TNFRSF10B: variants seen among roughly 807,000 people sequenced by gnomAD.
TNFRSF10B encodes the protein tumor necrosis factor receptor superfamily member 10B.
Under a neutral mutation model 41.4 loss-of-function variants are expected in TNFRSF10B, and 35 were observed. The observed-to-expected ratio is 0.85, with a 90% CI of 0.65 to 1.12. The LOEUF is 1.12. Among genes scored for constraint, TNFRSF10B ranks in the 50% most tolerant of loss-of-function variants. The pLI is 0.00. For missense variants in TNFRSF10B, 584 were observed against 552.7 expected, an observed-to-expected ratio of 1.06 and a Z score of -0.57; for synonymous variants, 230 against 215.5, an observed-to-expected ratio of 1.07 and a Z score of -0.59.
At chr8:23,025,283 G>A (rs1387510987) in intron 7 of TNFRSF10B, among the ~76,000 whole-genome samples, 2 of 152,130 alleles carry the variant, frequency 1.3e-5, no homozygotes, top group African/African-American at 4.8e-5. Context: ...CCCAAATCTC[G>A]ATTGAGTCAT....
rs962154716 is a variant in TNFRSF10B at position 23,028,278 on chromosome 8, G to A, written c.748+53C>T. ...CGTTTCTGTCTGTGGGAATAGGGTGGGAGGGGGCAGGGCAGAGAGTGCCCT... is the reference window on the plus strand; with the variant it reads ...CGTTTCTGTCTGTGGGAATAGGGTGAGAGGGGGCAGGGCAGAGAGTGCCCT... On this transcript the variant is annotated intron_variant, in intron 5 of 8. Coordinates refer to ENST00000276431, the MANE Select transcript of TNFRSF10B (RefSeq NM_003842.5). The A allele has an allele frequency of 1.6e-5, 25 of 1,611,438 alleles. 1 individual carries two copies. Among genetic ancestry groups the A allele is most frequent in the South Asian group, 1.4e-4 (13 of 90,362 alleles).
In TNFRSF10B at chr8:23,020,853, G is replaced by A. The variant is rs918811032; in HGVS notation, c.*1818C>T. ...GTCCTGCACAGAAGGCCCAGCAAAG[G>A]CAAAGACCAGGAGGCAGCAGCACCC... On this transcript the variant is annotated 3_prime_UTR_variant, in exon 9 of 9. Coordinates refer to ENST00000276431, the MANE Select transcript of TNFRSF10B (RefSeq NM_003842.5). The A allele has an allele frequency of 4.4e-6, 2 of 454,124 alleles. No homozygotes were observed. Among genetic ancestry groups the A allele is most frequent in the Admixed American group, 4.7e-5 (2 of 42,572 alleles). 28.1% of individuals were successfully genotyped at this position (454,124 alleles called of 1,614,324 possible).
At chr8:23,046,854 A>G (rs191429730) in intron 1 of TNFRSF10B, among the ~76,000 whole-genome samples, 17 of 152,126 alleles carry the variant, frequency 1.1e-4, no homozygotes, top group Admixed American at 7.2e-4. Context: ...ACACAGTGGG[A>G]AAAAAAAGTC....
intron 2 of TNFRSF10B, among the ~76,000 whole-genome samples, chr8:23,042,276 C>T (rs1812224026): frequency 6.6e-6 from 1 of 152,252 alleles, no homozygotes; most frequent in Non-Finnish European, 1.5e-5. Flanking sequence ...TGCCCTCAGG[C>T]AAGCCTTTCC....
In TNFRSF10B at chr8:23,021,631, G is replaced by A. The variant is rs1401747005; in HGVS notation, c.*1040C>T. 1 of 454,130 alleles carries A rather than the reference G, an allele frequency of 2.2e-6. No individual in the cohort carries two copies. The allele number at this position is 454,130 out of a possible 1,614,324, so 28.1% of individuals were successfully genotyped here. A position where few individuals can be genotyped will look rare whatever the true frequency, so the allele number is the denominator to read the frequency against. On this transcript the variant is annotated 3_prime_UTR_variant, in exon 9 of 9. Transcript: ENST00000276431. ...GGGTGCAAATGAGACTGCCCAGGTA[G>A]GGACCAGCCACACACAGGACTTCAC...
chr8:23,059,820 T>TG (rs1311294080), intron 1 of TNFRSF10B, among the ~76,000 whole-genome samples: 1 of 152,210 alleles, frequency 6.6e-6, no homozygotes, highest in Non-Finnish European at 1.5e-5. Flanking sequence ...CCTGTGTGTG[T>TG]TTTTTATAAT....
At chr8:23,028,979 G>A (rs1445332937) in intron 4 of TNFRSF10B, among the ~76,000 whole-genome samples, 1 of 152,218 alleles carries the variant, frequency 6.6e-6, no homozygotes, top group Non-Finnish European at 1.5e-5. Flanking sequence ...ACAAAAGTGA[G>A]CTCTTGTCCC....
chr8:23,026,266 GTTT>G (rs3837204), intron 7 of TNFRSF10B, among the ~76,000 whole-genome samples: 8 of 151,362 alleles, frequency 5.3e-5, no homozygotes, highest in Admixed American at 3.9e-4. Flanking sequence ...ATAAGATCTA[GTTT>G]TTTTTTGTTT....
At chr8:23,067,783 C>T (rs1037031677) in intron 1 of TNFRSF10B, among the ~76,000 whole-genome samples, 1 of 152,226 alleles carries the variant, frequency 6.6e-6, no homozygotes, top group African/African-American at 2.4e-5. Flanking sequence ...CCAGCATTCT[C>T]TTGACCTTCC....
At chr8:23,032,584 G>A (rs189775221) in intron 2 of TNFRSF10B, among the ~76,000 whole-genome samples, 254 of 152,190 alleles carry the variant, frequency 1.7e-3, no homozygotes, top group African/African-American at 5.4e-3. Context: ...TTTTGGTAGG[G>A]ATTTCATTGA....
intron 2 of TNFRSF10B, 22 bp downstream of exon 2, chr8:23,043,116 T>C: frequency 6.2e-7 from 1 of 1,607,124 alleles, no homozygotes; most frequent in African/African-American, 1.3e-5. Flanking sequence ...GGGCAAGGAT[T>C]AGAGACCCAT....
At position 23,024,263 on chromosome 8, in the gene TNFRSF10B, G is replaced by A. The variant is rs367728444; in HGVS notation, c.937-3C>T. ...GACCTTTCAGCTTCTGCCGGTTCCT[G>A]TAACACATAGTGGGGAATGTCCTGG... On this transcript the variant is annotated splice_region_variant and splice_polypyrimidine_tract_variant and intron_variant, in intron 7 of 8. Transcript: ENST00000276431. The A allele has an allele frequency of 1.4e-5, 22 of 1,614,004 alleles. No homozygotes were observed. In the Admixed American group the frequency reaches 1.8e-4, roughly 13 times the overall value.
At chr8:23,056,704 T>G (rs1812676755) in intron 1 of TNFRSF10B, among the ~76,000 whole-genome samples, 1 of 152,152 alleles carries the variant, frequency 6.6e-6, no homozygotes, top group Non-Finnish European at 1.5e-5. Flanking sequence ...TTTGATGCAT[T>G]AAACCTTCAT....
chr8:23,037,707 T>C (rs1812064119), intron 2 of TNFRSF10B, among the ~76,000 whole-genome samples: 1 of 152,206 alleles, frequency 6.6e-6, no homozygotes, highest in African/African-American at 2.4e-5. Context: ...GGGATATGGC[T>C]TTTTGAAAAC....
Position 23,027,279 on chromosome 8 carries a change from G to T in TNFRSF10B, c.790C>A (p.Arg264=), listed in dbSNP as rs138183043. Residue 264 remains arginine (R), a synonymous_variant, in exon 7 of 9, where the codon CGA becomes AGA. Coordinates refer to ENST00000276431, the MANE Select transcript of TNFRSF10B (RefSeq NM_003842.5). Reference sequence around the variant, plus strand: ...AGGACATTGTCCTCAGCCCCAGGTCGTTGTGAGCTCTGGAAAAAGACATTG... The same window carrying T: ...AGGACATTGTCCTCAGCCCCAGGTCTTTGTGAGCTCTGGAAAAAGACATTG... ...DPERVDRSSQ[R]PGAEDNVLNE... 3.7e-6 allele frequency: 6 copies of T among 1,614,074 alleles called. No homozygotes were observed. In the Admixed American group the frequency reaches 1.0e-4, roughly 27 times the overall value.
chr8:23,027,850 G>C (rs1200654514), intron 5 of TNFRSF10B, 97 bp from the exon 6 acceptor site: 2 of 1,476,886 alleles, frequency 1.4e-6, no homozygotes, highest in Non-Finnish European at 1.9e-6. Flanking sequence ...TGGGGGCTGG[G>C]ACACTGGACA....
Position 23,027,704 on chromosome 8 carries a change from C to T in TNFRSF10B, c.780+18G>A, listed in dbSNP as rs563943488. On this transcript the variant is annotated intron_variant, in intron 6 of 8. Coordinates refer to ENST00000276431, the MANE Select transcript of TNFRSF10B (RefSeq NM_003842.5). ...TCCTGAACCCCTGAGCCCCCAGCTC[C>T]TGGAGAAATCAACTCACTCTGTCCA... 2 of 1,614,116 alleles carry T rather than the reference C, an allele frequency of 1.2e-6. No homozygotes were observed. The highest frequency in any genetic ancestry group is 1.3e-5 in the African/African-American group (1 of 75,040).
chr8:23,035,362 G>C (rs1812001041), intron 2 of TNFRSF10B, among the ~76,000 whole-genome samples: 1 of 152,076 alleles, frequency 6.6e-6, no homozygotes, highest in African/African-American at 2.4e-5. Flanking sequence ...GGCTGGTCTA[G>C]AACTCCTGGT....
intron 2 of TNFRSF10B, among the ~76,000 whole-genome samples, chr8:23,042,717 C>G (rs1563315483): frequency 6.6e-6 from 1 of 152,196 alleles, no homozygotes; most frequent in Non-Finnish European, 1.5e-5. Context: ...TCTCTAACTT[C>G]CTAACCCTCC....
Sources: allele counts gnomAD v4.1 joint callset (sites outside exome capture counted in the v4.1 genomes callset), GRCh38; gene constraint gnomAD v4.1.1; transcripts MANE v1.5; gene names NCBI Gene and HGNC (gene_info 2026-07-23, HGNC 2026-07-21).